The following RNF170 variants were observed in gnomAD, a reference collection of about 807,000 sequenced individuals.
RNF170 encodes ring finger protein 170.
In RNF170, 12 loss-of-function variants were observed where a neutral mutation model predicts 32.7. That is an observed-to-expected ratio of 0.37 (90% CI 0.24 to 0.60). The LOEUF is 0.60. Ranked by LOEUF, RNF170 falls within the 20% of genes least tolerant of loss-of-function variation. The pLI, the probability that RNF170 is intolerant of heterozygous loss-of-function variation, is 0.72. For synonymous variants in RNF170, 91 were observed against 103.6 expected, an observed-to-expected ratio of 0.88 and a Z score of 0.74; for missense variants, 212 against 311.2, an observed-to-expected ratio of 0.68 and a Z score of 2.40.
chr8:42,893,063 A>G (rs186693754), intron 1 of RNF170, among the ~76,000 whole-genome samples: 11 of 152,332 alleles, frequency 7.2e-5, no homozygotes, highest in African/African-American at 2.2e-4. Context: ...ATAAATATGT[A>G]CAACTATTAT....
intron 6 of RNF170, among the ~76,000 whole-genome samples, chr8:42,858,254 G>GA (rs1803391898): frequency 6.6e-6 from 1 of 151,276 alleles, no homozygotes; most frequent in South Asian, 2.1e-4. Context: ...CCTGCTCAAT[G>GA]AAAAATGGGT....
Position 42,887,760 on chromosome 8 carries a change from A to G in RNF170, c.105T>C (p.Ala35=). 6.2e-7 allele frequency: 1 copy of G among 1,614,150 alleles called. No individual in the cohort carries two copies. The highest frequency in any genetic ancestry group is 8.5e-7 in the Non-Finnish European group (1 of 1,179,976). The stretch of plus-strand genomic sequence containing the variant: ...GTGCATATACCAGGGTAGCAATCAA[A>G]GCGAAACTGACCACAACTGCCACAA... ...QVLVAVVVSF[A]LIATLVYALF... Residue 35 remains alanine (A), a synonymous_variant, in exon 2 of 7, where the codon GCT becomes GCC. Coordinates refer to ENST00000527424, the MANE Select transcript of RNF170 (RefSeq NM_030954.4).
At chr8:42,889,592 A>G (rs890924424) in intron 1 of RNF170, among the ~76,000 whole-genome samples, 5 of 152,212 alleles carry the variant, frequency 3.3e-5, no homozygotes, top group Non-Finnish European at 7.3e-5. Flanking sequence ...GGCTGCAAGA[A>G]AATTACCACT....
At chr8:42,881,764 GTTT>G (rs1805430435) in intron 2 of RNF170, among the ~76,000 whole-genome samples, 1 of 151,856 alleles carries the variant, frequency 6.6e-6, no homozygotes, top group Non-Finnish European at 1.5e-5. Flanking sequence ...GTGAAACACT[GTTT>G]CTACAAAAAA....
In RNF170 at chr8:42,870,112, C is replaced by T; in HGVS notation, c.214G>A (p.Asp72Asn). The T allele has an allele frequency of 6.2e-7, 1 of 1,610,502 alleles. No homozygotes were observed. The highest frequency in any genetic ancestry group is 2.2e-5 in the East Asian group (1 of 44,872). The stretch of plus-strand genomic sequence containing the variant: ...TGCTGTCGAGTGGCAGCAGGTGCAT[C>T]CTAATAAGAACACAGGTGCACACAT... The part of the protein sequence containing the change: ...VLREQLQTEQ[D>N]APAATRQQFY... Residue 72 changes from aspartate (D) to asparagine (N), a missense_variant and splice_region_variant, in exon 4 of 7, where the codon GAT becomes AAT. Asp to Asn is a conservative substitution (Grantham distance 23). Around this residue, in one of 2 missense-constraint regions of RNF170, gnomAD observed 115 missense variants for 132.3 expected, o/e 0.87. Coordinates refer to ENST00000527424, the MANE Select transcript of RNF170 (RefSeq NM_030954.4).
At chr8:42,889,889 A>G (rs564955073) in intron 1 of RNF170, among the ~76,000 whole-genome samples, 6 of 152,278 alleles carry the variant, frequency 3.9e-5, no homozygotes, top group Non-Finnish European at 8.8e-5. Context: ...GAGGTGCTGT[A>G]GCTGTTTCAA....
intron 1 of RNF170, among the ~76,000 whole-genome samples, chr8:42,893,018 T>C (rs1389209237): frequency 6.6e-6 from 1 of 152,158 alleles, no homozygotes; most frequent in Non-Finnish European, 1.5e-5. Flanking sequence ...CATTACACAT[T>C]GTACATATTT....
chr8:42,884,395 T>C (rs1805647372), intron 2 of RNF170, among the ~76,000 whole-genome samples: 1 of 152,122 alleles, frequency 6.6e-6, no homozygotes, highest in Admixed American at 6.6e-5. Context: ...TAATTCTTTT[T>C]TTTTCTATTG....
intron 2 of RNF170, among the ~76,000 whole-genome samples, chr8:42,878,081 T>C (rs1805095019): frequency 6.6e-6 from 1 of 152,026 alleles, no homozygotes; most frequent in African/African-American, 2.4e-5. Flanking sequence ...ATCAACGTTG[T>C]GTATGCTGTG....
chr8:42,868,319 C>T (rs1302279519), intron 4 of RNF170, among the ~76,000 whole-genome samples: 1 of 152,056 alleles, frequency 6.6e-6, no homozygotes, highest in South Asian at 2.1e-4. Flanking sequence ...ACAAAAGGGC[C>T]AACACAATTT....
rs747091445 is a variant in RNF170, at chr8:42,870,057, C to A, written c.269G>T (p.Cys90Phe). The change falls in exon 4 of 7, where the codon TGC becomes TTC. Residue 90 changes from cysteine (C) to phenylalanine (F), a missense_variant. This residue lies in a region of RNF170 where 115 missense variants were observed against 132.3 expected (regional missense o/e 0.87). Transcript: ENST00000527424. ...QFYTDMYCPI[C>F]LHQASFPVET... ...CACCGGGAAGGAGGCTTGGTGCAGG[C>A]AGATGGGACAGTACATGTCAGTGTA... is the stretch of plus-strand genomic sequence containing the variant. The A allele has an allele frequency of 6.2e-7, 1 of 1,614,130 alleles. No homozygotes were observed. Among genetic ancestry groups the A allele is most frequent in the Non-Finnish European group, 8.5e-7 (1 of 1,180,004 alleles).
At chr8:42,864,800 A>ACT (rs1554603911) in intron 5 of RNF170, among the ~76,000 whole-genome samples, 3 of 151,820 alleles carry the variant, frequency 2.0e-5, no homozygotes, top group Non-Finnish European at 4.4e-5. Context: ...AAGGAAAAAA[A>ACT]TTTTTTTTCA....
At chr8:42,891,133 C>A (rs1362118283) in intron 1 of RNF170, among the ~76,000 whole-genome samples, 2 of 152,170 alleles carry the variant, frequency 1.3e-5, no homozygotes, top group East Asian at 1.9e-4. Flanking sequence ...GAAGCCCAAG[C>A]AGTTGTTGCT....
At chr8:42,884,679 T>C (rs1005610957) in intron 2 of RNF170, among the ~76,000 whole-genome samples, 1 of 151,816 alleles carries the variant, frequency 6.6e-6, no homozygotes, top group Non-Finnish European at 1.5e-5. Flanking sequence ...ATCTACAATA[T>C]ACAATTGCCT....
chr8:42,871,502 C>T (rs558425605), intron 3 of RNF170, among the ~76,000 whole-genome samples: 1 of 152,008 alleles, frequency 6.6e-6, no homozygotes, highest in Non-Finnish European at 1.5e-5. Context: ...CAAGGCTACA[C>T]CTTGATGTTA....
At chr8:42,856,533 G>C in intron 6 of RNF170, 105 bp from the exon 7 acceptor site, 1 of 813,460 alleles carries the variant, frequency 1.2e-6, no homozygotes, top group South Asian at 1.6e-5. Context: ...ATGAATTAAG[G>C]AGTTACACAT....
At chr8:42,850,959 G>A (rs182295850), downstream of RNF170, 347 of 1,551,594 alleles carry the variant, frequency 2.2e-4, 1 homozygote, top group African/African-American at 4.4e-3. Flanking sequence ...CCTCTTGATG[G>A]GTCTGCTCAC....
Position 42,856,006 on chromosome 8 carries a change from T to C in RNF170, c.*153A>G, listed in dbSNP as rs1271582917. 1 of 1,515,478 alleles carries C rather than the reference T, an allele frequency of 6.6e-7. No homozygotes were observed. The highest frequency in any genetic ancestry group is 8.9e-7 in the Non-Finnish European group (1 of 1,128,202). 93.9% of individuals were successfully genotyped at this position (1,515,478 alleles called of 1,614,324 possible). ...GAAAATTCCAGTTATACCTAGGTAT[T>C]TGTCAAATGATAATCAAATGTTTGT... On this transcript the variant is annotated 3_prime_UTR_variant, in exon 7 of 7. Transcript: ENST00000527424.
chr8:42,853,922 T>C lies in RNF170; in HGVS notation c.*2237A>G, dbSNP rs997081514. On this transcript the variant is annotated 3_prime_UTR_variant, in exon 7 of 7. Coordinates refer to ENST00000527424, the MANE Select transcript of RNF170 (RefSeq NM_030954.4). ...GTAACTCCAAATATTATAATTATTG[T>C]AACCAGAATTGTGACACTTGGAGCA... The C allele has an allele frequency of 7.8e-7, 1 of 1,287,080 alleles. No individual in the cohort carries two copies. The highest frequency in any genetic ancestry group is 1.5e-5 in the African/African-American group (1 of 65,812). The allele number at this position is 1,287,080 out of a possible 1,614,324, so 79.7% of individuals were successfully genotyped here.
Sources: gnomAD v4.1 joint callset for allele counts (sites outside exome capture counted in the v4.1 genomes callset) on GRCh38, gnomAD v4.1.1 for gene constraint, gnomAD v4.1.1 regional missense constraint, MANE v1.5 for transcripts, NCBI Gene and HGNC (gene_info 2026-07-23, HGNC 2026-07-21) for gene names.